The following ASIC2 variants were observed in gnomAD, a reference collection of about 807,000 sequenced individuals.
ASIC2 encodes the protein acid sensing ion channel subunit 2.
Under a neutral mutation model 57.3 loss-of-function variants are expected in ASIC2, and 25 were observed. That is an observed-to-expected ratio of 0.44 (90% CI 0.32 to 0.61). The LOEUF (loss-of-function observed/expected upper bound fraction) is 0.61. Ranked by LOEUF, ASIC2 falls within the 20% of genes least tolerant of loss-of-function variation. ASIC2 has a pLI of 0.06. For synonymous variants in ASIC2, 319 were observed against 307.5 expected (o/e 1.04, Z -0.39); for missense variants, 641 against 738.1 (o/e 0.87, Z 1.52).
intron 1 of ASIC2, among the ~76,000 whole-genome samples, chr17:33,878,548 G>A (rs897583236): frequency 3.9e-5 from 6 of 152,186 alleles, no homozygotes; most frequent in African/African-American, 1.4e-4. Context: ...AAGAAGAGAA[G>A]TTTAGAGAAA....
intron 1 of ASIC2, among the ~76,000 whole-genome samples, chr17:33,299,899 A>G (rs1175369655): frequency 6.6e-6 from 1 of 152,178 alleles, no homozygotes; most frequent in African/African-American, 2.4e-5. Context: ...CTTTCAGCGG[A>G]GGAAGTCAAG....
intron 1 of ASIC2, among the ~76,000 whole-genome samples, chr17:34,143,506 A>C (rs1912328147): frequency 6.6e-6 from 1 of 152,188 alleles, no homozygotes; most frequent in Non-Finnish European, 1.5e-5. Context: ...CTTATAAAGC[A>C]AGGTTGCCTA....
At chr17:33,118,909 C>A (rs957080599) in intron 1 of ASIC2, among the ~76,000 whole-genome samples, 2 of 152,104 alleles carry the variant, frequency 1.3e-5, no homozygotes, top group South Asian at 4.1e-4. Context: ...TAGATGCCAG[C>A]CTCTGGGCTT....
chr17:34,110,410 G>A (rs905783137), intron 1 of ASIC2, among the ~76,000 whole-genome samples: 7 of 152,112 alleles, frequency 4.6e-5, no homozygotes, highest in Non-Finnish European at 7.4e-5. Context: ...GCTCTTCCTC[G>A]CCCTCTCTCT....
At chr17:33,890,747 G>A (rs879478169) in intron 1 of ASIC2, among the ~76,000 whole-genome samples, 3 of 152,226 alleles carry the variant, frequency 2.0e-5, no homozygotes, top group Non-Finnish European at 4.4e-5. Flanking sequence ...AATGGGAGAA[G>A]CTGCTTTCAC....
At chr17:33,018,863 C>T (rs115423848) in intron 7 of ASIC2, among the ~76,000 whole-genome samples, 3,694 of 152,252 alleles carry the variant, frequency 0.024, 150 homozygotes, top group African/African-American at 0.082. Context: ...GGACAGTTCT[C>T]TTGGAGATGC....
intron 1 of ASIC2, chr17:34,002,617 T>A (rs1304225192): frequency 1.3e-5 from 2 of 152,224 alleles, no homozygotes; most frequent in Admixed American, 6.5e-5. Context: ...TTCTATATTT[T>A]AAAAATTCCA....
intron 3 of ASIC2, among the ~76,000 whole-genome samples, chr17:33,068,146 G>C (rs958596310): frequency 1.8e-4 from 28 of 152,116 alleles, no homozygotes; most frequent in African/African-American, 2.4e-4. Context: ...CTGGACCTGG[G>C]GGGGTGGAAG....
At chr17:33,141,356 T>C (rs1012278629) in intron 1 of ASIC2, among the ~76,000 whole-genome samples, 1 of 152,242 alleles carries the variant, frequency 6.6e-6, no homozygotes, top group Non-Finnish European at 1.5e-5. Context: ...TACAGGTTGT[T>C]GGGTTTTAAA....
intron 1 of ASIC2, among the ~76,000 whole-genome samples, chr17:33,716,449 T>A (rs1011013711): frequency 1.3e-5 from 2 of 152,222 alleles, no homozygotes; most frequent in African/African-American, 4.8e-5. Context: ...AAGCACTTGA[T>A]CCTGCACTCT....
At chr17:33,496,091 G>C (rs1019615791) in intron 1 of ASIC2, among the ~76,000 whole-genome samples, 2 of 152,162 alleles carry the variant, frequency 1.3e-5, no homozygotes, top group African/African-American at 2.4e-5. Context: ...GATGAATGAC[G>C]CCACCTGATC....
intron 1 of ASIC2, among the ~76,000 whole-genome samples, chr17:33,944,057 A>T (rs1916252765): frequency 6.6e-6 from 1 of 152,166 alleles, no homozygotes. Context: ...GAGTTACTCT[A>T]AAAGAAATTC....
intron 1 of ASIC2, among the ~76,000 whole-genome samples, chr17:33,636,988 A>G (rs75241603): frequency 0.019 from 2,872 of 152,210 alleles, 33 homozygotes; most frequent in Non-Finnish European, 0.026. Flanking sequence ...GAAACTTCTG[A>G]ACATGCAACA....
chr17:33,049,910 G>A (rs2069999090), intron 3 of ASIC2, among the ~76,000 whole-genome samples: 1 of 152,184 alleles, frequency 6.6e-6, no homozygotes, highest in African/African-American at 2.4e-5. Context: ...GGACAGGGAA[G>A]GGAGGAAGGG....
chr17:34,044,802 G>A (rs888024949), intron 1 of ASIC2, among the ~76,000 whole-genome samples: 1 of 152,144 alleles, frequency 6.6e-6, no homozygotes. Context: ...GTGTCCTGCT[G>A]ATGAAGACTT....
intron 1 of ASIC2, among the ~76,000 whole-genome samples, chr17:33,624,849 C>T (rs1905922215): frequency 6.6e-6 from 1 of 152,202 alleles, no homozygotes; most frequent in Admixed American, 6.5e-5. Flanking sequence ...TCCAAGCATC[C>T]ATCATACATC....
At chr17:34,013,006 G>A (rs1329118678) in intron 1 of ASIC2, among the ~76,000 whole-genome samples, 2 of 152,206 alleles carry the variant, frequency 1.3e-5, no homozygotes, top group African/African-American at 4.8e-5. Flanking sequence ...GAGTCAGGAA[G>A]CAGTGAGGGG....
chr17:33,543,678 C>T lies in ASIC2; in HGVS notation c.556-431611G>A, dbSNP rs758184543. On this transcript the variant is annotated intron_variant, in intron 1 of 9. Transcript: ENST00000359872. The stretch of plus-strand genomic sequence containing the variant: ...TTTGTCAAGTTCCCCAAGTACTTTA[C>T]GTACATTACCTCGCTTAGTACTCTC... Among the ~76,000 whole-genome samples the T allele has an allele frequency of 5.9e-5, 9 of 152,194 alleles. No homozygotes were observed. In the South Asian group the frequency reaches 6.2e-4, roughly 11 times the overall value.
chr17:33,420,130 A>G (rs906899032), intron 1 of ASIC2, among the ~76,000 whole-genome samples: 1 of 152,204 alleles, frequency 6.6e-6, no homozygotes, highest in African/African-American at 2.4e-5. Flanking sequence ...AGTTCATAAT[A>G]AAAAGAAAGC....
Sources: allele counts gnomAD v4.1 joint callset (sites outside exome capture counted in the v4.1 genomes callset), GRCh38; gene constraint gnomAD v4.1.1; transcripts MANE v1.5; gene names NCBI Gene and HGNC (gene_info 2026-07-23, HGNC 2026-07-21).